Variants in CACNA1C observed in about 807,000 individuals in gnomAD.
CACNA1C encodes voltage-dependent L-type calcium channel subunit alpha-1C.
Under a neutral mutation model 229.0 loss-of-function variants are expected in CACNA1C, and 30 were observed. That is an observed-to-expected ratio of 0.13 (90% CI 0.10 to 0.18). CACNA1C has a LOEUF of 0.18. Ranked by LOEUF, CACNA1C falls within the 10% of genes least tolerant of loss-of-function variation. The pLI is 1.00. For synonymous variants in CACNA1C, 1,114 were observed against 1,132.5 expected, an observed-to-expected ratio of 0.98 and a Z score of 0.33; for missense variants, 1,658 against 2,845.0, an observed-to-expected ratio of 0.58 and a Z score of 9.49.
intron 3 of CACNA1C, among the ~76,000 whole-genome samples, chr12:2,332,055 T>C (rs2096564719): frequency 6.6e-6 from 1 of 152,236 alleles, no homozygotes; most frequent in Admixed American, 6.5e-5. Flanking sequence ...AATTTCTTAT[T>C]TTGCTCATCA....
intron 5 of CACNA1C, among the ~76,000 whole-genome samples, chr12:2,462,624 G>A (rs538869460): frequency 9.2e-5 from 14 of 152,312 alleles, no homozygotes; most frequent in East Asian, 1.9e-4. Flanking sequence ...TTACACGGAC[G>A]CCCATGGCGG....
At chr12:2,136,387 G>A (rs1478996886) in intron 3 of CACNA1C, among the ~76,000 whole-genome samples, 1 of 151,370 alleles carries the variant, frequency 6.6e-6, no homozygotes, top group Non-Finnish European at 1.5e-5. Context: ...GAACTAACTT[G>A]CCCAAGTTTG....
chr12:2,284,062 C>T (rs1377964666), intron 3 of CACNA1C, among the ~76,000 whole-genome samples: 1 of 152,158 alleles, frequency 6.6e-6, no homozygotes, highest in African/African-American at 2.4e-5. Context: ...CGTCTTTCAA[C>T]AACTCTTAAC....
At chr12:2,349,902 G>A (rs1239250233) in intron 3 of CACNA1C, among the ~76,000 whole-genome samples, 2 of 152,286 alleles carry the variant, frequency 1.3e-5, no homozygotes, top group Non-Finnish European at 1.5e-5. Context: ...ACTTAGTCTT[G>A]GGGAGGAAAG....
chr12:2,631,262 A>G (rs1390694997), intron 29 of CACNA1C, among the ~76,000 whole-genome samples: 1 of 151,504 alleles, frequency 6.6e-6, no homozygotes, highest in Non-Finnish European at 1.5e-5. Context: ...TGACACTCAC[A>G]CCTTCCTCTC....
At chr12:2,051,780 A>G (rs1423406170), upstream of CACNA1C, among the ~76,000 whole-genome samples, 3 of 152,208 alleles carry the variant, frequency 2.0e-5, no homozygotes, top group Admixed American at 6.5e-5. Context: ...GGCTTTGAAG[A>G]GATCAGGAAT....
rs186072319 is a variant in CACNA1C, at chr12:2,393,987, G to T, written c.478-54989G>T. ...TAAAAATTACCTGTGTCATGGGCCT[G>T]TAGTCCCAGCTACAGGCTAAAGCAG... On this transcript the variant is annotated intron_variant, in intron 3 of 46. Coordinates refer to ENST00000399655, the MANE Select transcript of CACNA1C (RefSeq NM_000719.7). 1.1e-3 allele frequency among the ~76,000 whole-genome samples: 170 copies of T among 152,138 alleles called. 1 individual carries two copies. The highest frequency in any genetic ancestry group is 3.9e-3 in the African/African-American group (163 of 41,488).
At chr12:2,389,991 T>G (rs1253406888) in intron 3 of CACNA1C, among the ~76,000 whole-genome samples, 2 of 152,206 alleles carry the variant, frequency 1.3e-5, no homozygotes, top group Non-Finnish European at 2.9e-5. Context: ...TAGCTAAATT[T>G]TTATTATAGC....
intron 3 of CACNA1C, among the ~76,000 whole-genome samples, chr12:2,320,797 C>T (rs2095947533): frequency 6.6e-6 from 1 of 152,196 alleles, no homozygotes; most frequent in Non-Finnish European, 1.5e-5. Context: ...CTCAGCCAGG[C>T]ATTCAGGCCA....
intron 30 of CACNA1C, chr12:2,641,647 C>T: frequency 2.9e-6 from 2 of 694,532 alleles, no homozygotes; most frequent in South Asian, 3.0e-5. Flanking sequence ...GATTCCAGCA[C>T]AGTCATTCAT....
intron 18 of CACNA1C, among the ~76,000 whole-genome samples, chr12:2,592,795 A>T (rs1406515412): frequency 6.8e-6 from 1 of 147,238 alleles, no homozygotes; most frequent in African/African-American, 2.5e-5. Context: ...TTTGCAAGGG[A>T]TTCCACAAGC....
intron 3 of CACNA1C, among the ~76,000 whole-genome samples, chr12:2,151,362 GA>G (rs537213554): frequency 0.098 from 12,519 of 127,102 alleles, 1,507 homozygotes; most frequent in African/African-American, 0.29. Flanking sequence ...AGTGGTAGCT[GA>G]AAAAAAAAAA....
At chr12:2,606,495 A>G in intron 24 of CACNA1C, 116 bp from the exon 25 acceptor site, 1 of 849,716 alleles carries the variant, frequency 1.2e-6, no homozygotes, top group Non-Finnish European at 2.0e-6. Flanking sequence ...TGGATTCTGC[A>G]CTTTTTATCC....
intron 9 of CACNA1C, 101 bp from the exon 10 acceptor site, chr12:2,549,842 C>G: frequency 1.2e-6 from 1 of 817,134 alleles, no homozygotes; most frequent in East Asian, 2.7e-5. Context: ...TCTGCCAACC[C>G]GCACTGGGTC....
intron 3 of CACNA1C, among the ~76,000 whole-genome samples, chr12:2,313,801 T>C (rs548590806): frequency 1.3e-5 from 2 of 152,346 alleles, no homozygotes; most frequent in African/African-American, 4.8e-5. Context: ...GACAGGGTTT[T>C]AGCTGAAAAG....
At chr12:2,667,631 C>T (rs935869046) in intron 37 of CACNA1C, among the ~76,000 whole-genome samples, 1 of 152,132 alleles carries the variant, frequency 6.6e-6, no homozygotes, top group Admixed American at 6.5e-5. Flanking sequence ...GTACAAACAC[C>T]ATGCAAGGCA....
Position 2,053,373 on chromosome 12 carries a change from G to A in CACNA1C, c.-190G>A. The A allele has an allele frequency of 7.3e-7, 1 of 1,369,066 alleles. No individual in the cohort carries two copies. The allele number at this position is 1,369,066 out of a possible 1,614,324, so 84.8% of individuals were successfully genotyped here. On this transcript the variant is annotated 5_prime_UTR_variant, in exon 1 of 47. Coordinates refer to ENST00000399655, the MANE Select transcript of CACNA1C (RefSeq NM_000719.7). The surrounding 1 kb of genome is among the most constrained non-coding windows in gnomAD (Gnocchi z 5.8). ...CAGTAGTGGAAAGGAGCAGTTTTTG[G>A]GGTTTGATGCCATAATGGGAATCAG...
At position 2,654,871 on chromosome 12, in the gene CACNA1C, G is replaced by A. The variant is rs1212156716; in HGVS notation, c.4141-276G>A. Among the ~76,000 whole-genome samples the A allele has an allele frequency of 4.6e-5, 7 of 152,200 alleles. No individual in the cohort carries two copies. The highest frequency in any genetic ancestry group is 7.3e-5 in the Non-Finnish European group (5 of 68,038). On this transcript the variant is annotated intron_variant, in intron 33 of 46. Coordinates refer to ENST00000399655, the MANE Select transcript of CACNA1C (RefSeq NM_000719.7). The surrounding 1 kb of genome is among the most constrained non-coding windows in gnomAD (Gnocchi z 4.4). ...TGTCAGAAGCAGGATCCCGGTCCCA[G>A]CATCCACCGCTCTCAGCCCCAGCTC...
intron 3 of CACNA1C, among the ~76,000 whole-genome samples, chr12:2,147,414 T>C (rs1326994845): frequency 6.6e-6 from 1 of 151,370 alleles, no homozygotes; most frequent in Non-Finnish European, 1.5e-5. Context: ...TAGGCAACTT[T>C]GGGGAGTGAA....
Sources: allele counts gnomAD v4.1 joint callset (sites outside exome capture counted in the v4.1 genomes callset), GRCh38; gene constraint gnomAD v4.1.1; non-coding constraint Gnocchi (gnomAD v3.1); transcripts MANE v1.5; gene names NCBI Gene and HGNC (gene_info 2026-07-23, HGNC 2026-07-21).